Variants in SMAD1 observed in about 807,000 individuals in gnomAD.
SMAD1 encodes SMAD family member 1, also known as MAD, mothers against decapentaplegic homolog 1.
SMAD1 carries 6 observed loss-of-function variants against 41.6 expected under a neutral mutation model. The ratio of observed to expected loss-of-function variants is 0.14; its 90% CI spans 0.08 to 0.28. The LOEUF is 0.28. Among genes scored for constraint, SMAD1 ranks in the 10% least tolerant of loss-of-function variants. The pLI, the probability that SMAD1 is intolerant of heterozygous loss-of-function variation, is 1.00. For missense variants in SMAD1, 379 were observed against 582.6 expected (o/e 0.65, Z 3.60); for synonymous variants, 206 against 203.2 (o/e 1.01, Z -0.12).
chr4:145,497,014 C>G (rs899263264), intron 1 of SMAD1: 36 of 152,184 alleles, frequency 2.4e-4, no homozygotes, highest in African/African-American at 8.4e-4. Context: ...AGTTAACCGT[C>G]ATCCATTTAC....
chr4:145,496,038 A>G (rs1729054819), intron 1 of SMAD1, among the ~76,000 whole-genome samples: 1 of 152,142 alleles, frequency 6.6e-6, no homozygotes, highest in Non-Finnish European at 1.5e-5. Flanking sequence ...TTGTTGAATG[A>G]TAGCTTATAA....
At chr4:145,499,049 T>C (rs986183059) in intron 1 of SMAD1, among the ~76,000 whole-genome samples, 4 of 152,172 alleles carry the variant, frequency 2.6e-5, no homozygotes, top group Admixed American at 2.6e-4. Flanking sequence ...AACACCCAAC[T>C]TCGACTATCA....
chr4:145,494,869 T>G (rs1255495325), intron 1 of SMAD1, among the ~76,000 whole-genome samples: 1 of 152,194 alleles, frequency 6.6e-6, no homozygotes, highest in Non-Finnish European at 1.5e-5. Context: ...GTTCTGAGGA[T>G]TGACTGCTTT....
Position 145,525,486 on chromosome 4 carries a change from A to T in SMAD1, c.400+10473A>T, listed in dbSNP as rs550402705. On this transcript the variant is annotated intron_variant, in intron 2 of 6. Coordinates refer to ENST00000302085, the MANE Select transcript of SMAD1 (RefSeq NM_005900.3). ...GTAAAAATCTAAGAGGGCTTGCAGA[A>T]TAGTAGAGCTAAAACCCCCACATTT... 5.3e-5 allele frequency among the ~76,000 whole-genome samples: 8 copies of T among 152,332 alleles called. No homozygotes were observed. The South Asian group carries it at 1.7e-3, about 32-fold the overall frequency.
Position 145,514,274 on chromosome 4 carries a change from T to C in SMAD1, c.-176-164T>C, listed in dbSNP as rs1730254557. ...GCTCCATCTCCAAATATAGTCATAC[T>C]GAGAGTTAGGGCTTCCGCATATGAA... On this transcript the variant is annotated intron_variant, in intron 1 of 6. Transcript: ENST00000302085. This position sits in a 1 kb window ranked among gnomAD's most constrained non-coding sequence, Gnocchi z 4.7. Among the ~76,000 whole-genome samples, 1 of 152,200 alleles carries C rather than the reference T, an allele frequency of 6.6e-6. No homozygotes were observed. Among genetic ancestry groups the C allele is most frequent in the African/African-American group, 2.4e-5 (1 of 41,446 alleles).
At chr4:145,500,160 G>A (rs963709935) in intron 1 of SMAD1, among the ~76,000 whole-genome samples, 8 of 151,996 alleles carry the variant, frequency 5.3e-5, no homozygotes, top group African/African-American at 1.9e-4. Context: ...CTTCCTAACT[G>A]GTCTCCCTAC....
intron 6 of SMAD1, 53 bp downstream of exon 6, chr4:145,554,093 T>TTC: frequency 2.9e-6 from 1 of 343,444 alleles, no homozygotes; most frequent in South Asian, 7.0e-5. Context: ...TTGCTGTGCT[T>TTC]TTTTTTTTTT....
intron 2 of SMAD1, among the ~76,000 whole-genome samples, chr4:145,522,431 A>G (rs528174892): frequency 2.0e-5 from 3 of 152,072 alleles, no homozygotes; most frequent in Admixed American, 6.5e-5. Context: ...GAGAAACCCC[A>G]TCTCTACTAA....
chr4:145,515,621 A>G (rs947422771), intron 2 of SMAD1, among the ~76,000 whole-genome samples: 4 of 152,178 alleles, frequency 2.6e-5, no homozygotes, highest in African/African-American at 9.7e-5. Context: ...AAATATACCC[A>G]GTTTTTACAT....
chr4:145,488,177 AT>A (rs1371968325), intron 1 of SMAD1, among the ~76,000 whole-genome samples: 2 of 151,622 alleles, frequency 1.3e-5, no homozygotes, highest in East Asian at 3.9e-4. Context: ...CTTAACAAAT[AT>A]TTTTTTTGAG....
At position 145,557,994 on chromosome 4, in the gene SMAD1, A is replaced by G; in HGVS notation, c.*60A>G. ...AGCCTTGCATGTACTTGAAGGATGG[A>G]TGAGTCAGACACGATTGAGAACTGA... is the stretch of plus-strand genomic sequence containing the variant. On this transcript the variant is annotated 3_prime_UTR_variant, in exon 7 of 7. Coordinates refer to ENST00000302085, the MANE Select transcript of SMAD1 (RefSeq NM_005900.3). 1 of 1,340,758 alleles carries G rather than the reference A, an allele frequency of 7.5e-7. No individual in the cohort carries two copies. The allele number at this position is 1,340,758 out of a possible 1,614,324, so 83.1% of individuals were successfully genotyped here. A position where few individuals can be genotyped will look rare whatever the true frequency, so the allele number is the denominator to read the frequency against.
intron 2 of SMAD1, among the ~76,000 whole-genome samples, chr4:145,533,273 T>A (rs1731423848): frequency 1.3e-5 from 2 of 152,228 alleles, no homozygotes; most frequent in South Asian, 4.1e-4. Context: ...AGTGTGAACA[T>A]TTATTGTCCA....
intron 2 of SMAD1, chr4:145,517,109 C>T (rs1309117394): frequency 6.6e-6 from 1 of 152,240 alleles, no homozygotes; most frequent in Non-Finnish European, 1.5e-5. Context: ...AAGATGCAGA[C>T]ATGATCCTCT....
chr4:145,496,306 G>A (rs1041454489), intron 1 of SMAD1, among the ~76,000 whole-genome samples: 4 of 152,070 alleles, frequency 2.6e-5, no homozygotes, highest in Admixed American at 1.3e-4. Context: ...GCAGTAGAGA[G>A]GTTACCTTGG....
Position 145,539,951 on chromosome 4 carries a change from C to T in SMAD1, c.548C>T (p.Pro183Leu), listed in dbSNP as rs780172594. 2.2e-5 allele frequency: 36 copies of T among 1,613,908 alleles called. No individual in the cohort carries two copies. Among genetic ancestry groups the T allele is most frequent in the African/African-American group, 2.7e-5 (2 of 74,906 alleles). The change falls in exon 3 of 7, where the codon CCG becomes CTG. Residue 183 changes from proline to leucine, a missense_variant. Transcript: ENST00000302085. ...PDSFQQPNSH[P>L]FPHSPNSSYP... ...TCTTTCCAGCAACCCAACAGCCACCCGTTTCCTCACTCTCCCAATAGCAGT... is the reference window on the plus strand; with the variant it reads ...TCTTTCCAGCAACCCAACAGCCACCTGTTTCCTCACTCTCCCAATAGCAGT...
intron 1 of SMAD1, among the ~76,000 whole-genome samples, chr4:145,504,267 C>T (rs1729640567): frequency 6.6e-6 from 1 of 152,154 alleles, no homozygotes; most frequent in South Asian, 2.1e-4. Flanking sequence ...GTTAAAGAAG[C>T]ATTTGAACAT....
intron 5 of SMAD1, among the ~76,000 whole-genome samples, chr4:145,548,323 GGTTCAAGTGATTCTT>G: frequency 6.6e-6 from 1 of 152,116 alleles, no homozygotes; most frequent in Admixed American, 6.5e-5. Context: ...CCACCTCCCA[GGTTCAAGTGATTCTT>G]GTGCCTCAGC....
At chr4:145,545,548 T>TG (rs1203852790) in intron 4 of SMAD1, 1 of 6,638 alleles carries the variant, frequency 1.5e-4, no homozygotes, top group Admixed American at 2.4e-3. Context: ...GTATTTTCCT[T>TG]GTTTTTTTTT....
intron 2 of SMAD1, among the ~76,000 whole-genome samples, chr4:145,531,275 T>G (rs530820810): frequency 6.6e-6 from 1 of 152,390 alleles, no homozygotes; most frequent in South Asian, 2.1e-4. Context: ...GTGTTCTTAC[T>G]CTTACCCTTT....
Sources: allele counts gnomAD v4.1 joint callset (sites outside exome capture counted in the v4.1 genomes callset), GRCh38; gene constraint gnomAD v4.1.1; non-coding constraint Gnocchi (gnomAD v3.1); transcripts MANE v1.5; gene names NCBI Gene and HGNC (gene_info 2026-07-23, HGNC 2026-07-21).